PTPRA: variants seen among roughly 807,000 people sequenced by gnomAD.
PTPRA encodes the protein protein tyrosine phosphatase receptor type A.
In PTPRA, 25 loss-of-function variants were observed where a neutral mutation model predicts 104.8. The observed-to-expected ratio is 0.24, with a 90% CI of 0.17 to 0.33. PTPRA has a LOEUF of 0.33. Ranked by LOEUF, PTPRA falls within the 10% of genes least tolerant of loss-of-function variation. The pLI is 1.00. For missense variants in PTPRA, 765 were observed against 1,015.3 expected (o/e 0.75, Z 3.35); for synonymous variants, 323 against 368.9 (o/e 0.88, Z 1.43).
At chr20:3,008,536 G>A (rs1299827909) in intron 11 of PTPRA, among the ~76,000 whole-genome samples, 2 of 151,996 alleles carry the variant, frequency 1.3e-5, no homozygotes, top group East Asian at 3.9e-4. Flanking sequence ...TTCTGTAGAC[G>A]GATGGTGGTG....
At position 3,035,568 on chromosome 20, in the gene PTPRA, C is replaced by G; in HGVS notation, c.1921-17C>G. On this transcript the variant is annotated splice_polypyrimidine_tract_variant and intron_variant, in intron 20 of 23. Transcript: ENST00000399903. The surrounding 1 kb of genome is among the most constrained non-coding windows in gnomAD (Gnocchi z 5.8). ...GTGGTACTCTGAGCTCCTCACCTCT[C>G]CAACCTGTCTCTCCAGGAGAAGTGT... 2.5e-6 allele frequency: 4 copies of G among 1,607,292 alleles called. No individual in the cohort carries two copies. The highest frequency in any genetic ancestry group is 3.4e-6 in the Non-Finnish European group (4 of 1,174,028).
chr20:3,008,769 C>T (rs1374585778), intron 11 of PTPRA, among the ~76,000 whole-genome samples: 2 of 149,246 alleles, frequency 1.3e-5, no homozygotes, highest in South Asian at 2.1e-4. Flanking sequence ...ACAACTTAGC[C>T]GGGCGTGGTG....
At chr20:2,911,820 G>C (rs2059733164) in intron 1 of PTPRA, among the ~76,000 whole-genome samples, 1 of 152,066 alleles carries the variant, frequency 6.6e-6, no homozygotes, top group Non-Finnish European at 1.5e-5. Context: ...CATATTTCAA[G>C]AAGTAGAGAA....
At chr20:2,949,502 A>T (rs140186647) in intron 3 of PTPRA, among the ~76,000 whole-genome samples, 82 of 152,004 alleles carry the variant, frequency 5.4e-4, no homozygotes, top group African/African-American at 2.0e-3. Context: ...TATGTTGTCC[A>T]GCCTGGTCTT....
chr20:2,962,364 T>C (rs761959827), intron 3 of PTPRA, among the ~76,000 whole-genome samples: 1 of 152,224 alleles, frequency 6.6e-6, no homozygotes, highest in African/African-American at 2.4e-5. Context: ...TATTCATTTA[T>C]TTTCTTTTAA....
At chr20:2,937,526 A>C (rs1163031005) in intron 2 of PTPRA, among the ~76,000 whole-genome samples, 1 of 152,152 alleles carries the variant, frequency 6.6e-6, no homozygotes, top group African/African-American at 2.4e-5. Flanking sequence ...ATCAAACATA[A>C]TCTTTAAAAC....
At chr20:2,966,265 A>G in intron 5 of PTPRA, among the ~76,000 whole-genome samples, 1 of 152,238 alleles carries the variant, frequency 6.6e-6, no homozygotes, top group South Asian at 2.1e-4. Context: ...CAGCTCTTCC[A>G]TAAACCAGCC....
chr20:2,866,012 C>A, the PTPRA span: 2 of 597,696 alleles, frequency 3.3e-6, no homozygotes, highest in Non-Finnish European at 6.0e-6. Flanking sequence ...TCTGACAGAG[C>A]TTTGGTTTAG....
intron 1 of PTPRA, among the ~76,000 whole-genome samples, chr20:2,900,293 G>A (rs887054371): frequency 1.3e-5 from 2 of 152,016 alleles, no homozygotes; most frequent in Admixed American, 6.6e-5. Flanking sequence ...ATACAGGCAC[G>A]TGCCACTGTG....
intron 1 of PTPRA, among the ~76,000 whole-genome samples, chr20:2,894,015 GT>G (rs1004292199): frequency 6.6e-6 from 1 of 151,868 alleles, no homozygotes; most frequent in Non-Finnish European, 1.5e-5. Flanking sequence ...TTTCAAGAAA[GT>G]TTTTTTTAAT....
chr20:2,885,071 G>A (rs1397549575), intron 1 of PTPRA, among the ~76,000 whole-genome samples: 3 of 152,268 alleles, frequency 2.0e-5, no homozygotes, highest in Non-Finnish European at 4.4e-5. Flanking sequence ...AAAGTGCTGG[G>A]ATTACAGGCA....
At chr20:2,932,762 C>T (rs1243256047) in intron 2 of PTPRA, among the ~76,000 whole-genome samples, 2 of 152,068 alleles carry the variant, frequency 1.3e-5, no homozygotes, top group African/African-American at 4.8e-5. Context: ...TAGTTGGCAG[C>T]CTGAGATAGG....
chr20:2,942,164 A>G (rs1419749921), intron 2 of PTPRA, among the ~76,000 whole-genome samples: 2 of 152,192 alleles, frequency 1.3e-5, no homozygotes, highest in Non-Finnish European at 2.9e-5. Flanking sequence ...GGCTTATCAT[A>G]TGGCTTTTTA....
intron 3 of PTPRA, among the ~76,000 whole-genome samples, chr20:2,960,624 C>T (rs140266240): frequency 3.3e-5 from 5 of 152,094 alleles, no homozygotes; most frequent in African/African-American, 1.2e-4. Flanking sequence ...GAAGCGTCGA[C>T]CTCCCAGGCT....
the PTPRA span, among the ~76,000 whole-genome samples, chr20:2,867,765 C>CT: frequency 6.6e-6 from 1 of 152,226 alleles, no homozygotes; most frequent in Non-Finnish European, 1.5e-5. Context: ...AGGCCTCTCC[C>CT]TATTTAACAC....
chr20:2,933,887 C>T (rs757576406), intron 2 of PTPRA, among the ~76,000 whole-genome samples: 1 of 151,992 alleles, frequency 6.6e-6, no homozygotes, highest in Non-Finnish European at 1.5e-5. Context: ...TTAAATATTT[C>T]TTTTTAATAT....
chr20:2,929,846 T>C (rs570626251), intron 2 of PTPRA, among the ~76,000 whole-genome samples: 2 of 152,224 alleles, frequency 1.3e-5, no homozygotes, highest in African/African-American at 4.8e-5. Flanking sequence ...AAAAAAATTT[T>C]AAGTAGTTGA....
rs1267725594 is a variant in PTPRA, at chr20:2,964,441, A to G, written c.73+91A>G. ...ATTTGAAAACCGAGATGGTATTTGA[A>G]GAAAGGAATATAAAAATTTTATTCA... On this transcript the variant is annotated intron_variant, in intron 4 of 23. Coordinates refer to ENST00000399903, the MANE Select transcript of PTPRA (RefSeq NM_001385305.1). 1.0e-5 allele frequency: 11 copies of G among 1,101,362 alleles called. No individual in the cohort carries two copies. The Middle Eastern group carries it at 1.1e-3, about 106-fold the overall frequency. The allele number at this position is 1,101,362 out of a possible 1,614,324, so 68.2% of individuals were successfully genotyped here.
intron 1 of PTPRA, among the ~76,000 whole-genome samples, chr20:2,922,784 G>A (rs1326543529): frequency 2.6e-5 from 4 of 151,762 alleles, no homozygotes; most frequent in African/African-American, 9.7e-5. Flanking sequence ...AGAGATGCGT[G>A]CCACCATGCC....
Sources: allele counts gnomAD v4.1 joint callset (sites outside exome capture counted in the v4.1 genomes callset), GRCh38; gene constraint gnomAD v4.1.1; non-coding constraint Gnocchi (gnomAD v3.1); transcripts MANE v1.5; gene names NCBI Gene and HGNC (gene_info 2026-07-23, HGNC 2026-07-21).